The following ORC3 variants were observed in gnomAD, a reference collection of about 807,000 sequenced individuals.
The protein encoded by ORC3 is origin recognition complex subunit 3.
ORC3 carries 78 observed loss-of-function variants against 100.7 expected under a neutral mutation model. The ratio of observed to expected loss-of-function variants is 0.77; its 90% CI spans 0.65 to 0.94. The LOEUF is 0.94. Among genes scored for constraint, ORC3 ranks in the 40% least tolerant of loss-of-function variants. ORC3 has a pLI of 0.00. For synonymous variants in ORC3, 295 were observed against 289.3 expected (o/e 1.02, Z -0.20); for missense variants, 789 against 823.9 (o/e 0.96, Z 0.52).
chr6:87,615,295 A>C (rs1223072343), intron 8 of ORC3, among the ~76,000 whole-genome samples: 1 of 152,168 alleles, frequency 6.6e-6, no homozygotes, highest in South Asian at 2.1e-4. Flanking sequence ...TCCCTCCCAC[A>C]GCACTTGGGA....
chr6:87,619,708 C>T (rs1454948407), intron 9 of ORC3, among the ~76,000 whole-genome samples: 1 of 152,064 alleles, frequency 6.6e-6, no homozygotes, highest in Non-Finnish European at 1.5e-5. Flanking sequence ...GCCTGGCCTG[C>T]ATGGTTTTAT....
In ORC3 at chr6:87,667,121, T is replaced by A; in HGVS notation, c.2134T>A (p.Ter712LysextTer12). The A allele has an allele frequency of 6.3e-7, 1 of 1,580,258 alleles. No homozygotes were observed. The highest frequency in any genetic ancestry group is 1.1e-5 in the South Asian group (1 of 88,506). The change falls in exon 20 of 20, where the codon TAG becomes AAG. Residue 712 changes from the stop codon to lysine (K), a stop_lost. Transcript: ENST00000392844. ...GGCAAGACTAACATGGGGAGGCTGCTAGAAAGCAAATAAGCAAAGCCAGAA... is the reference window on the plus strand; with the variant it reads ...GGCAAGACTAACATGGGGAGGCTGCAAGAAAGCAAATAAGCAAAGCCAGAA... ...HVARLTWGGC[*>K]
intron 13 of ORC3, 137 bp downstream of exon 13, chr6:87,636,623 T>G (rs1767852971): frequency 3.2e-6 from 2 of 631,080 alleles, no homozygotes; most frequent in East Asian, 5.4e-5. Context: ...GCATATATCT[T>G]GAATTTATCC....
chr6:87,645,870 ATTG>A (rs1768726250), intron 13 of ORC3, among the ~76,000 whole-genome samples: 1 of 151,376 alleles, frequency 6.6e-6, no homozygotes, highest in Non-Finnish European at 1.5e-5. Flanking sequence ...TAAAGCCTTT[ATTG>A]TTTTTCTCAA....
At chr6:87,637,737 G>C (rs965314160) in intron 13 of ORC3, among the ~76,000 whole-genome samples, 3 of 152,184 alleles carry the variant, frequency 2.0e-5, no homozygotes, top group Non-Finnish European at 2.9e-5. Flanking sequence ...CCCAACACCA[G>C]TTGTCTTAGG....
chr6:87,665,296 G>T (rs1770509785), intron 18 of ORC3, among the ~76,000 whole-genome samples: 1 of 152,146 alleles, frequency 6.6e-6, no homozygotes, highest in East Asian at 1.9e-4. Context: ...GGAATACTTG[G>T]CAAGGCAATA....
intron 9 of ORC3, 41 bp downstream of exon 9, chr6:87,616,468 T>G (rs1779160953): frequency 1.2e-6 from 1 of 825,784 alleles, no homozygotes; most frequent in East Asian, 2.5e-5. Flanking sequence ...TCAAGCTGAT[T>G]CTAAATAATT....
At chr6:87,638,466 A>G (rs1472456671) in intron 13 of ORC3, among the ~76,000 whole-genome samples, 1 of 152,264 alleles carries the variant, frequency 6.6e-6, no homozygotes, top group Non-Finnish European at 1.5e-5. Flanking sequence ...TTTGGAAAGA[A>G]TAACTGCTTA....
intron 13 of ORC3, among the ~76,000 whole-genome samples, chr6:87,641,955 A>T (rs1000240537): frequency 6.6e-6 from 1 of 152,186 alleles, no homozygotes; most frequent in African/African-American, 2.4e-5. Flanking sequence ...CTAACTTATG[A>T]TGATGTAGAT....
chr6:87,599,860 C>T (rs1428947215), intron 2 of ORC3, among the ~76,000 whole-genome samples: 1 of 152,138 alleles, frequency 6.6e-6, no homozygotes, highest in Non-Finnish European at 1.5e-5. Context: ...GTAGTCCCAG[C>T]TACTCGGGAG....
chr6:87,672,131 A>T (rs1770847029), downstream of ORC3, among the ~76,000 whole-genome samples: 1 of 152,050 alleles, frequency 6.6e-6, no homozygotes, highest in African/African-American at 2.4e-5. Flanking sequence ...TGAAATAAGG[A>T]CTCGATGTTA....
intron 9 of ORC3, among the ~76,000 whole-genome samples, chr6:87,619,440 T>C (rs1019807966): frequency 1.3e-5 from 2 of 152,198 alleles, no homozygotes. Context: ...AGGGTTTCGC[T>C]CTGTCGCCCA....
rs555057052 is a variant in ORC3, at chr6:87,612,895, G to A, written c.873+647G>A. Among the ~76,000 whole-genome samples, 6 of 152,228 alleles carry A rather than the reference G, an allele frequency of 3.9e-5. No individual in the cohort carries two copies. The East Asian group carries it at 5.8e-4, about 15-fold the overall frequency. ...AGTGCTGGGATTACAGGCATGAGCC[G>A]CCACACCCAGCCTGACTCCTTACAT... is the stretch of plus-strand genomic sequence containing the variant. On this transcript the variant is annotated intron_variant, in intron 8 of 19. Transcript: ENST00000392844.
chr6:87,664,905 C>A, intron 18 of ORC3, 46 bp downstream of exon 18: 1 of 1,144,082 alleles, frequency 8.7e-7, no homozygotes. Context: ...TCTAACCATC[C>A]ATGATGACTT....
intron 16 of ORC3, among the ~76,000 whole-genome samples, chr6:87,661,598 C>T (rs1770182215): frequency 6.6e-6 from 1 of 152,010 alleles, no homozygotes; most frequent in Non-Finnish European, 1.5e-5. Flanking sequence ...GGTATCCTCT[C>T]CAGAAGAAGA....
Position 87,603,524 on chromosome 6 carries a change from T to C in ORC3, c.318T>C (p.Val106=). ...KLREIPTAAL[V]LGVNVTDHDL... The stretch of plus-strand genomic sequence containing the variant: ...GAGAAATTCCAACTGCTGCTCTTGT[T>C]CTTGGTATATATGCGTATGTTTGTT... Residue 106 remains valine, a synonymous_variant, in exon 4 of 20, where the codon GTT becomes GTC. Transcript: ENST00000392844. The C allele has an allele frequency of 1.3e-6, 2 of 1,514,090 alleles. No homozygotes were observed. The highest frequency in any genetic ancestry group is 1.8e-6 in the Non-Finnish European group (2 of 1,111,202). The allele number at this position is 1,514,090 out of a possible 1,614,324, so 93.8% of individuals were successfully genotyped here.
chr6:87,612,727 G>A (rs1001638746), intron 8 of ORC3, among the ~76,000 whole-genome samples: 2 of 152,000 alleles, frequency 1.3e-5, no homozygotes, highest in African/African-American at 2.4e-5. Context: ...TTCTCCTGCC[G>A]CAGCATCTCA....
chr6:87,592,968 C>T (rs1304231596), intron 1 of ORC3, among the ~76,000 whole-genome samples: 1 of 151,962 alleles, frequency 6.6e-6, no homozygotes, highest in South Asian at 2.1e-4. Flanking sequence ...TGGTGGGCAC[C>T]TGTCATCCCA....
In ORC3 at chr6:87,590,138, T is replaced by C. The variant is rs1248459419; in HGVS notation, c.-31T>C. 1.2e-6 allele frequency: 2 copies of C among 1,613,762 alleles called. No homozygotes were observed. Among genetic ancestry groups the C allele is most frequent in the Non-Finnish European group, 1.7e-6 (2 of 1,179,616 alleles). On this transcript the variant is annotated 5_prime_UTR_variant, in exon 1 of 20. Coordinates refer to ENST00000392844, the MANE Select transcript of ORC3 (RefSeq NM_012381.4). ...GCGAGGGCGCGCGGGAAATCCCGAG[T>C]GCATCTGGAATACGCAGAGTCAGTA...
Sources: allele counts gnomAD v4.1 joint callset (sites outside exome capture counted in the v4.1 genomes callset), GRCh38; gene constraint gnomAD v4.1.1; transcripts MANE v1.5; gene names NCBI Gene and HGNC (gene_info 2026-07-23, HGNC 2026-07-21).